XIRP2: variants seen among roughly 807,000 people sequenced by gnomAD.
The protein encoded by XIRP2 is xin actin-binding repeat-containing protein 2.
A neutral mutation model predicts 277.0 loss-of-function variants in XIRP2; 236 were observed. The observed-to-expected ratio is 0.85, with a 90% confidence interval of 0.77 to 0.95. The LOEUF is 0.95. Ranked by LOEUF, XIRP2 falls within the 40% of genes least tolerant of loss-of-function variation. The pLI is 0.00. For missense variants in XIRP2, 4,640 were observed against 4,157.5 expected, an observed-to-expected ratio of 1.12 and a Z score of -3.19; for synonymous variants, 1,490 against 1,416.5, an observed-to-expected ratio of 1.05 and a Z score of -1.17.
intron 2 of XIRP2, among the ~76,000 whole-genome samples, chr2:166,924,794 G>A (rs528351747): frequency 8.5e-5 from 13 of 152,108 alleles, no homozygotes; most frequent in African/African-American, 3.1e-4. Context: ...ATGTTGCCAA[G>A]TTTAAGAGTA....
intron 5 of XIRP2, among the ~76,000 whole-genome samples, chr2:167,238,354 A>G (rs1694960255): frequency 6.6e-6 from 1 of 152,150 alleles, no homozygotes; most frequent in African/African-American, 2.4e-5. Flanking sequence ...GTGTAAGTCC[A>G]TATTTTGTCT....
At position 167,143,693 on chromosome 2, in the gene XIRP2, G is replaced by A. The variant is rs186381797; in HGVS notation, c.562+7631G>A. On this transcript the variant is annotated intron_variant, in intron 3 of 10. Coordinates refer to ENST00000409195, the MANE Select transcript of XIRP2 (RefSeq NM_152381.6). The stretch of plus-strand genomic sequence containing the variant: ...AGGTTTGCATGAAAAGGAAAAACTT[G>A]GTTTTTCTACTTTCAGAAATATGCT... 4.6e-5 allele frequency among the ~76,000 whole-genome samples: 7 copies of A among 152,100 alleles called. No homozygotes were observed. In the East Asian group the frequency reaches 1.4e-3, roughly 29 times the overall value.
At chr2:167,167,859 C>A (rs1470875986) in intron 3 of XIRP2, among the ~76,000 whole-genome samples, 1 of 151,972 alleles carries the variant, frequency 6.6e-6, no homozygotes, top group Admixed American at 6.6e-5. Flanking sequence ...GTAGATCCAC[C>A]TTTCTGACCT....
chr2:167,176,273 C>G (rs1692845224), intron 3 of XIRP2, among the ~76,000 whole-genome samples: 1 of 152,074 alleles, frequency 6.6e-6, no homozygotes. Context: ...TTCTTGACCC[C>G]TTACACTTCC....
At chr2:167,188,730 C>A (rs548113613) in intron 3 of XIRP2, among the ~76,000 whole-genome samples, 51 of 152,320 alleles carry the variant, frequency 3.3e-4, no homozygotes, top group Admixed American at 2.6e-3. Context: ...AGGTCCATTT[C>A]TAAAAGTCAG....
chr2:167,035,339 T>C (rs1688481198), intron 2 of XIRP2, among the ~76,000 whole-genome samples: 2 of 152,154 alleles, frequency 1.3e-5, no homozygotes, highest in African/African-American at 4.8e-5. Context: ...AATGCCTTTG[T>C]TGAAAATGCT....
At chr2:167,087,825 A>C (rs1574242922) in intron 2 of XIRP2, among the ~76,000 whole-genome samples, 1 of 151,964 alleles carries the variant, frequency 6.6e-6, no homozygotes, top group Non-Finnish European at 1.5e-5. Context: ...GCACCCACTG[A>C]CCTGCGCCCA....
chr2:166,985,256 G>A (rs1263448171), intron 2 of XIRP2, among the ~76,000 whole-genome samples: 1 of 152,160 alleles, frequency 6.6e-6, no homozygotes, highest in Non-Finnish European at 1.5e-5. Context: ...TAACAGACAG[G>A]TTGGAGAGAG....
At position 166,903,800 on chromosome 2, in the gene XIRP2, G is replaced by T. The variant is rs1390914076; in HGVS notation, c.318G>T (p.Arg106Ser). ...AGGATTCCCTGAGCAGTCGGCGCAGGATTGAACGCTTTTCCATTGCCCTTG... is the reference window on the plus strand; with the variant it reads ...AGGATTCCCTGAGCAGTCGGCGCAGTATTGAACGCTTTTCCATTGCCCTTG... ...LKEDSLSSRR[R>S]IERFSIALDE... The change falls in exon 2 of 11, where the codon AGG (arginine) becomes AGT (serine). Residue 106 changes from arginine to serine, a missense_variant. Arg to Ser is a moderately radical substitution (Grantham distance 110). Transcript: ENST00000409195. The T allele has an allele frequency of 2.0e-5, 32 of 1,613,588 alleles. No individual in the cohort carries two copies. Among genetic ancestry groups the T allele is most frequent in the Non-Finnish European group, 2.5e-5 (30 of 1,179,784 alleles).
At chr2:167,143,519 A>G (rs1298799791) in intron 3 of XIRP2, among the ~76,000 whole-genome samples, 1 of 152,120 alleles carries the variant, frequency 6.6e-6, no homozygotes, top group African/African-American at 2.4e-5. Context: ...AAATAGGGAC[A>G]CTTCCATATG....
At position 167,129,746 on chromosome 2, in the gene XIRP2, T is replaced by C. The variant is rs1395706463; in HGVS notation, c.409-6163T>C. Reference sequence around the variant, plus strand: ...TTAGGCAGGCGTGGTGGCGCATGCCTGTAATCCCAGCTACTCAGGAAGCTG... The same window carrying C: ...TTAGGCAGGCGTGGTGGCGCATGCCCGTAATCCCAGCTACTCAGGAAGCTG... On this transcript the variant is annotated intron_variant, in intron 2 of 10. Coordinates refer to ENST00000409195, the MANE Select transcript of XIRP2 (RefSeq NM_152381.6). 2.6e-5 allele frequency among the ~76,000 whole-genome samples: 4 copies of C among 151,902 alleles called. No individual in the cohort carries two copies. The East Asian group carries it at 5.8e-4, about 22-fold the overall frequency.
chr2:167,244,515 A>C lies in XIRP2; in HGVS notation c.3123A>C (p.Gly1041=), dbSNP rs1185426309. The change falls in exon 9 of 11, where the codon GGA becomes GGC. Residue 1041 remains glycine, a synonymous_variant. Coordinates refer to ENST00000409195, the MANE Select transcript of XIRP2 (RefSeq NM_152381.6). ...TTCATAAATTTCAAATAATTAGAGG[A>C]ATATCTGCTCAAGAAATACAGACTG... ...ESIHKFQIIR[G]ISAQEIQTGN... 1 of 1,613,688 alleles carries C rather than the reference A, an allele frequency of 6.2e-7. No individual in the cohort carries two copies. Among genetic ancestry groups the C allele is most frequent in the Non-Finnish European group, 8.5e-7 (1 of 1,179,806 alleles).
chr2:167,092,762 T>C (rs144671929), intron 2 of XIRP2, among the ~76,000 whole-genome samples: 66 of 152,248 alleles, frequency 4.3e-4, no homozygotes, highest in African/African-American at 1.6e-3. Context: ...CTAAGAAAGA[T>C]ACATAGTGGT....
intron 2 of XIRP2, among the ~76,000 whole-genome samples, chr2:166,914,463 C>T (rs1684806363): frequency 6.6e-6 from 1 of 152,122 alleles, no homozygotes; most frequent in Admixed American, 6.5e-5. Flanking sequence ...GTCTCAGCCT[C>T]CCGAGTAGCT....
chr2:167,114,973 C>G (rs1690857716), intron 2 of XIRP2, among the ~76,000 whole-genome samples: 2 of 152,058 alleles, frequency 1.3e-5, no homozygotes, highest in African/African-American at 4.8e-5. Flanking sequence ...AATGGGATGT[C>G]TGGGTCAAAT....
At chr2:166,898,511 T>C (rs1684299651) in intron 1 of XIRP2, among the ~76,000 whole-genome samples, 1 of 152,264 alleles carries the variant, frequency 6.6e-6, no homozygotes, top group African/African-American at 2.4e-5. Context: ...TATTTTGAAA[T>C]AATTATAGAT....
intron 5 of XIRP2, among the ~76,000 whole-genome samples, chr2:167,225,632 C>T (rs1694575054): frequency 1.3e-5 from 2 of 152,138 alleles, no homozygotes; most frequent in African/African-American, 4.8e-5. Context: ...GAACCTTCCA[C>T]AGGCTGAGTG....
chr2:167,192,899 T>C (rs573848651), intron 3 of XIRP2, among the ~76,000 whole-genome samples: 5 of 152,182 alleles, frequency 3.3e-5, no homozygotes, highest in Non-Finnish European at 7.3e-5. Context: ...AGAACTTCAT[T>C]AGAGCCTTGA....
intron 3 of XIRP2, among the ~76,000 whole-genome samples, chr2:167,153,012 G>A (rs774123032): frequency 8.6e-5 from 13 of 151,948 alleles, no homozygotes; most frequent in Non-Finnish European, 1.5e-4. Context: ...GATTATTTTG[G>A]CATGTTTCAC....
Sources: allele counts gnomAD v4.1 joint callset (sites outside exome capture counted in the v4.1 genomes callset), GRCh38; gene constraint gnomAD v4.1.1; transcripts MANE v1.5; gene names NCBI Gene and HGNC (gene_info 2026-07-23, HGNC 2026-07-21).